The following CFAP47 variants were observed in gnomAD, a reference collection of about 807,000 sequenced individuals.
The protein encoded by CFAP47 is cilia- and flagella-associated protein 47.
CFAP47 carries 29 observed loss-of-function variants against 148.1 expected under a neutral mutation model. The observed-to-expected ratio is 0.20, with a 90% confidence interval of 0.15 to 0.27. The LOEUF (loss-of-function observed/expected upper bound fraction) is 0.27. Among genes scored for constraint, CFAP47 ranks in the 10% least tolerant of loss-of-function variants. The pLI is 1.00. For synonymous variants in CFAP47, 664 were observed against 577.3 expected, an observed-to-expected ratio of 1.15 and a Z score of -2.15; for missense variants, 1,872 against 1,697.5, an observed-to-expected ratio of 1.10 and a Z score of -1.81.
At chrX:36,037,253 A>G (rs1165306623) in intron 24 of CFAP47, among the ~76,000 whole-genome samples, 3 of 111,751 alleles carry the variant, frequency 2.7e-5, no homozygotes, top group Non-Finnish European at 5.6e-5. Flanking sequence ...AATAAAAAAC[A>G]TTTCCATTTG....
At chrX:36,379,742 G>A (rs1399598046) in intron 63 of CFAP47, 13 of 318,972 alleles carry the variant, frequency 4.1e-5, no homozygotes, top group Middle Eastern at 9.7e-4. Flanking sequence ...CTAGAGGAAA[G>A]TTAAAAAAAA....
chrX:36,108,501 A>C (rs918096611), intron 33 of CFAP47, among the ~76,000 whole-genome samples: 3 of 111,774 alleles, frequency 2.7e-5, no homozygotes, highest in Non-Finnish European at 3.8e-5. Flanking sequence ...TATCTTCTGA[A>C]TCTACCTACT....
intron 62 of CFAP47, among the ~76,000 whole-genome samples, chrX:36,373,695 T>C (rs1556022363): frequency 1.8e-5 from 2 of 111,896 alleles, no homozygotes; most frequent in Non-Finnish European, 1.9e-5. Flanking sequence ...TTGATTATGA[T>C]GTTAGCAGTA....
intron 46 of CFAP47, among the ~76,000 whole-genome samples, chrX:36,229,795 G>A (rs1396509935): frequency 1.2e-5 from 1 of 85,429 alleles, no homozygotes; most frequent in Non-Finnish European, 2.2e-5. Context: ...AGAGTGTGAT[G>A]TTCCCCTTCC....
At chrX:36,226,408 A>C (rs1185911527) in intron 45 of CFAP47, among the ~76,000 whole-genome samples, 7 of 111,844 alleles carry the variant, frequency 6.3e-5, no homozygotes, top group Non-Finnish European at 1.3e-4. Context: ...GCTAGTTTAC[A>C]TCTGATGGGG....
intron 62 of CFAP47, chrX:36,367,938 A>G (rs1458829967): frequency 8.9e-6 from 1 of 111,892 alleles, no homozygotes; most frequent in African/African-American, 3.2e-5. Flanking sequence ...CTTTGCATAT[A>G]TTTGATCCAT....
intron 49 of CFAP47, among the ~76,000 whole-genome samples, chrX:36,278,326 G>A (rs1221845111): frequency 8.9e-6 from 1 of 112,480 alleles, no homozygotes; most frequent in Non-Finnish European, 1.9e-5. Flanking sequence ...CCAGGCTGCT[G>A]CCTTGCAGGT....
chrX:35,935,485 A>G (rs1304072927), intron 2 of CFAP47, among the ~76,000 whole-genome samples: 1 of 110,528 alleles, frequency 9.0e-6, no homozygotes, highest in Non-Finnish European at 1.9e-5. Flanking sequence ...TGTGTTTCCT[A>G]CACTCTTGAA....
intron 60 of CFAP47, among the ~76,000 whole-genome samples, chrX:36,358,893 C>T (rs1178305275): frequency 1.8e-5 from 2 of 111,331 alleles, no homozygotes; most frequent in African/African-American, 6.5e-5. Flanking sequence ...TGGTCTCTTC[C>T]TCTGGAATCC....
At chrX:36,214,478 T>C (rs1260914782) in intron 45 of CFAP47, among the ~76,000 whole-genome samples, 1 of 111,399 alleles carries the variant, frequency 9.0e-6, no homozygotes, top group Non-Finnish European at 1.9e-5. Flanking sequence ...AATCTTGGCT[T>C]ACTATAACTT....
At chrX:35,941,610 T>C in intron 3 of CFAP47, among the ~76,000 whole-genome samples, 1 of 111,643 alleles carries the variant, frequency 9.0e-6, no homozygotes, top group Non-Finnish European at 1.9e-5. Context: ...TCCTGATTAA[T>C]ACAGTCAGAA....
chrX:36,133,752 AC>A (rs1419938710), intron 33 of CFAP47, among the ~76,000 whole-genome samples: 1 of 108,940 alleles, frequency 9.2e-6, no homozygotes. Context: ...TTTAAGGACA[AC>A]AGATACTGTC....
At chrX:36,377,286 T>A (rs1380975053) in intron 62 of CFAP47, among the ~76,000 whole-genome samples, 1 of 111,629 alleles carries the variant, frequency 9.0e-6, no homozygotes, top group African/African-American at 3.3e-5. Flanking sequence ...CCAGCACCTG[T>A]TTTTTCCTGA....
chrX:36,118,915 T>C (rs1938690944), intron 33 of CFAP47, among the ~76,000 whole-genome samples: 1 of 112,539 alleles, frequency 8.9e-6, no homozygotes, highest in Non-Finnish European at 1.9e-5. Context: ...TTTGTACTTG[T>C]TGATTTTGTA....
intron 62 of CFAP47, chrX:36,368,241 A>G (rs868927427): frequency 8.9e-6 from 1 of 112,147 alleles, no homozygotes; most frequent in African/African-American, 3.2e-5. Context: ...AAGACTAAAA[A>G]GTCACTAAAT....
rs1940273708 is a variant in CFAP47 at position 36,226,686 on chromosome X, T to C, written c.6818-1942T>C. ...CCTTAAAGTCCTTGCTCATAAACAT[T>C]TCATGAGTTGGAAAATGTACACTTA... On this transcript the variant is annotated intron_variant, in intron 45 of 63. Coordinates refer to ENST00000378653, the MANE Select transcript of CFAP47 (RefSeq NM_001304548.2). Among the ~76,000 whole-genome samples, 3 of 111,617 alleles carry C rather than the reference T, an allele frequency of 2.7e-5. No individual in the cohort carries two copies. In the South Asian group the frequency reaches 1.1e-3, roughly 41 times the overall value.
intron 24 of CFAP47, among the ~76,000 whole-genome samples, chrX:36,038,085 C>T (rs1439877661): frequency 9.0e-6 from 1 of 111,637 alleles, no homozygotes; most frequent in Non-Finnish European, 1.9e-5. Context: ...TAATGGCCTT[C>T]AGTACAGAGA....
intron 45 of CFAP47, among the ~76,000 whole-genome samples, chrX:36,209,873 G>A (rs782005504): frequency 6.3e-5 from 7 of 111,107 alleles, no homozygotes; most frequent in Non-Finnish European, 1.3e-4. Flanking sequence ...AAAAAACCCA[G>A]TACTCTTTAG....
At chrX:35,960,047 A>G (rs1936303462) in intron 8 of CFAP47, among the ~76,000 whole-genome samples, 1 of 109,414 alleles carries the variant, frequency 9.1e-6, no homozygotes, top group Non-Finnish European at 1.9e-5. Context: ...TAAAAATTCT[A>G]TTTTGCATAT....
Sources: allele counts gnomAD v4.1 joint callset (sites outside exome capture counted in the v4.1 genomes callset), GRCh38; gene constraint gnomAD v4.1.1; transcripts MANE v1.5; gene names NCBI Gene and HGNC (gene_info 2026-07-23, HGNC 2026-07-21).